The following ZNF503 variants were observed in gnomAD, a reference collection of about 807,000 sequenced individuals.
ZNF503 encodes zinc finger protein 503, also known as NocA-like zinc finger 2.
In ZNF503, 15 loss-of-function variants were observed where a neutral mutation model predicts 34.4. The ratio of observed to expected loss-of-function variants is 0.44; its 90% CI spans 0.29 to 0.67. The LOEUF (loss-of-function observed/expected upper bound fraction) is 0.67. Ranked by LOEUF, ZNF503 falls within the 30% of genes least tolerant of loss-of-function variation. ZNF503 has a pLI of 0.13. For missense variants in ZNF503, 1,007 were observed against 926.8 expected, an observed-to-expected ratio of 1.09 and a Z score of -1.12; for synonymous variants, 580 against 456.8, an observed-to-expected ratio of 1.27 and a Z score of -3.44.
chr10:75,330,603 T>C, the ZNF503 span, among the ~76,000 whole-genome samples: 1 of 152,212 alleles, frequency 6.6e-6, no homozygotes, highest in Non-Finnish European at 1.5e-5. Context: ...CAGGAATTTA[T>C]CTGCTTCCAC....
chr10:75,306,506 CT>C, the ZNF503 span, among the ~76,000 whole-genome samples: 3 of 152,212 alleles, frequency 2.0e-5, no homozygotes, highest in South Asian at 6.2e-4. Flanking sequence ...TATCTTTTTA[CT>C]TTGTTGATGA....
chr10:75,347,011 A>G, the ZNF503 span, among the ~76,000 whole-genome samples: 3 of 152,070 alleles, frequency 2.0e-5, no homozygotes, highest in African/African-American at 7.2e-5. Flanking sequence ...TGTCTGGGCC[A>G]ACTATTTACT....
chr10:75,285,677 A>G, the ZNF503 span, among the ~76,000 whole-genome samples: 6 of 152,342 alleles, frequency 3.9e-5, no homozygotes, highest in African/African-American at 1.4e-4. Context: ...ACTATGGAAA[A>G]TGGCAAATGC....
chr10:75,383,725 T>C, the ZNF503 span, among the ~76,000 whole-genome samples: 7 of 152,240 alleles, frequency 4.6e-5, no homozygotes, highest in African/African-American at 7.2e-5. Context: ...TATCTGTTCA[T>C]TGATCAGCCA....
At chr10:75,381,916 C>T in the ZNF503 span, among the ~76,000 whole-genome samples, 1 of 140,856 alleles carries the variant, frequency 7.1e-6, no homozygotes, top group South Asian at 2.3e-4. Context: ...AAGTGATTCT[C>T]CCATCTAAGC....
the ZNF503 span, among the ~76,000 whole-genome samples, chr10:75,284,577 G>T: frequency 6.6e-6 from 1 of 152,158 alleles, no homozygotes; most frequent in Non-Finnish European, 1.5e-5. Flanking sequence ...GTAGTGGTGG[G>T]TCAGGGCTTG....
chr10:75,301,085 GC>G, the ZNF503 span, among the ~76,000 whole-genome samples: 75 of 152,174 alleles, frequency 4.9e-4, no homozygotes, highest in African/African-American at 1.7e-3. Context: ...GTTACTGTTT[GC>G]TTGGGATATC....
At chr10:75,350,933 C>T in the ZNF503 span, among the ~76,000 whole-genome samples, 1 of 151,766 alleles carries the variant, frequency 6.6e-6, no homozygotes, top group Admixed American at 6.5e-5. Flanking sequence ...GGAGATTTAG[C>T]CATGTCCTGC....
the ZNF503 span, among the ~76,000 whole-genome samples, chr10:75,329,138 T>G: frequency 6.6e-6 from 1 of 151,782 alleles, no homozygotes; most frequent in South Asian, 2.1e-4. Context: ...TTGGTTAAAT[T>G]TATTCCTAGG....
chr10:75,385,029 A>T, the ZNF503 span, among the ~76,000 whole-genome samples: 1 of 152,072 alleles, frequency 6.6e-6, no homozygotes, highest in Non-Finnish European at 1.5e-5. Flanking sequence ...CTCGAGATGG[A>T]GATAGATGAG....
At chr10:75,304,113 C>T in the ZNF503 span, among the ~76,000 whole-genome samples, 3 of 152,170 alleles carry the variant, frequency 2.0e-5, no homozygotes, top group South Asian at 2.1e-4. Flanking sequence ...GGATTACAGG[C>T]GTGAGCCACC....
chr10:75,370,405 A>G, the ZNF503 span, among the ~76,000 whole-genome samples: 1 of 152,196 alleles, frequency 6.6e-6, no homozygotes, highest in Non-Finnish European at 1.5e-5. Context: ...TGATCTTCAC[A>G]TTAACATTCT....
chr10:75,370,105 G>T, the ZNF503 span, among the ~76,000 whole-genome samples: 12 of 134,928 alleles, frequency 8.9e-5, no homozygotes, highest in African/African-American at 2.8e-4. Flanking sequence ...TAAATAAAAT[G>T]AAGTGGTTAT....
the ZNF503 span, among the ~76,000 whole-genome samples, chr10:75,322,439 G>A: frequency 6.6e-6 from 1 of 151,818 alleles, no homozygotes; most frequent in African/African-American, 2.4e-5. Context: ...AATTTTTTAT[G>A]CTTTCGTGTA....
At chr10:75,381,691 G>A in the ZNF503 span, among the ~76,000 whole-genome samples, 1 of 151,662 alleles carries the variant, frequency 6.6e-6, no homozygotes, top group East Asian at 1.9e-4. Context: ...AATTTGCCAT[G>A]CCAATCCTGG....
In ZNF503 at chr10:75,400,046, G is replaced by C; in HGVS notation, c.644C>G (p.Pro215Arg). The change falls in exon 2 of 2, where the codon CCG becomes CGG. Residue 215 changes from proline (P) to arginine (R), a missense_variant. By Grantham distance (103) the Pro-to-Arg change is moderately radical. Coordinates refer to ENST00000372524, the MANE Select transcript of ZNF503 (RefSeq NM_032772.6). ...VSSEKSGFRV[P>R]SATCQPFTPR... ...CGTGAATGGCTGGCAGGTGGCGCTC[G>C]GTACCCGGAATCCCGACTTCTCCGA... 1.9e-6 allele frequency: 3 copies of C among 1,593,224 alleles called. No homozygotes were observed. Among genetic ancestry groups the C allele is most frequent in the Non-Finnish European group, 2.6e-6 (3 of 1,173,392 alleles).
In ZNF503 at chr10:75,399,759, A is replaced by G. The variant is rs1465536855; in HGVS notation, c.931T>C (p.Cys311Arg). ...GPGGKALGSD[C>R]GGSSGSSSGS... Reference sequence around the variant, plus strand: ...GAGCTGGAGCCCGATGAACCGCCGCAGTCCGAGCCCAGAGCCTTGCCTCCC... The same window carrying G: ...GAGCTGGAGCCCGATGAACCGCCGCGGTCCGAGCCCAGAGCCTTGCCTCCC... Residue 311 changes from cysteine (C) to arginine (R), a missense_variant, in exon 2 of 2, where the codon TGC (cysteine) becomes CGC (arginine). Transcript: ENST00000372524. 3 of 1,593,368 alleles carry G rather than the reference A, an allele frequency of 1.9e-6. No homozygotes were observed. In the East Asian group the frequency reaches 6.8e-5, roughly 36 times the overall value.
At chr10:75,381,932 G>A in the ZNF503 span, among the ~76,000 whole-genome samples, 800 of 143,090 alleles carry the variant, frequency 5.6e-3, 5 homozygotes, top group African/African-American at 0.02. Context: ...TAAGCCTCCC[G>A]AGTAGCTGAG....
chr10:75,332,297 G>A, the ZNF503 span, among the ~76,000 whole-genome samples: 2 of 151,756 alleles, frequency 1.3e-5, no homozygotes, highest in African/African-American at 2.4e-5. Flanking sequence ...TTTTCACTGT[G>A]TTCCAAATCT....
Sources: gnomAD v4.1 joint callset for allele counts (sites outside exome capture counted in the v4.1 genomes callset) on GRCh38, gnomAD v4.1.1 for gene constraint, MANE v1.5 for transcripts, NCBI Gene and HGNC (gene_info 2026-07-23, HGNC 2026-07-21) for gene names.